Variants in RCAN1 observed in about 807,000 individuals in gnomAD.
RCAN1 encodes the protein regulator of calcineurin 1.
RCAN1 carries 11 observed loss-of-function variants against 22.9 expected under a neutral mutation model. The observed-to-expected ratio is 0.48, with a 90% CI of 0.30 to 0.79. The LOEUF (loss-of-function observed/expected upper bound fraction) is 0.79. Among genes scored for constraint, RCAN1 ranks in the 30% least tolerant of loss-of-function variants. RCAN1 has a pLI of 0.06. For synonymous variants in RCAN1, 136 were observed against 142.3 expected (o/e 0.96, Z 0.32); for missense variants, 291 against 337.8 (o/e 0.86, Z 1.09).
intron 1 of RCAN1, among the ~76,000 whole-genome samples, chr21:34,563,242 T>C (rs1353601614): frequency 6.6e-6 from 1 of 152,212 alleles, no homozygotes; most frequent in East Asian, 1.9e-4. Context: ...TCTGACAGAA[T>C]ATTTTTGAGT....
intron 1 of RCAN1, chr21:34,525,030 A>T (rs1984920597): frequency 1.3e-6 from 2 of 1,542,688 alleles, no homozygotes; most frequent in South Asian, 1.2e-5. Context: ...CTGGCCAGGA[A>T]GAAGGGGATG....
At chr21:34,601,232 A>T (rs892279486) in intron 1 of RCAN1, among the ~76,000 whole-genome samples, 7 of 152,212 alleles carry the variant, frequency 4.6e-5, no homozygotes, top group African/African-American at 1.7e-4. Context: ...ATTTTAATAA[A>T]ATTGCTAACT....
intron 1 of RCAN1, among the ~76,000 whole-genome samples, chr21:34,593,494 G>A (rs989529304): frequency 3.3e-5 from 5 of 152,180 alleles, no homozygotes; most frequent in East Asian, 1.9e-4. Flanking sequence ...ATTATGAAAC[G>A]ATGCCAAATA....
chr21:34,540,329 T>C (rs1204293043), intron 1 of RCAN1, among the ~76,000 whole-genome samples: 1 of 152,210 alleles, frequency 6.6e-6, no homozygotes, highest in Non-Finnish European at 1.5e-5. Context: ...AGGTGGGCTC[T>C]TCCGGGGCTG....
chr21:34,536,086 T>C (rs180772716), intron 1 of RCAN1, among the ~76,000 whole-genome samples: 1 of 152,288 alleles, frequency 6.6e-6, no homozygotes, highest in East Asian at 1.9e-4. Context: ...CCTCAATCTT[T>C]CCTTAATATG....
At chr21:34,527,816 G>A (rs1317872252) in intron 1 of RCAN1, among the ~76,000 whole-genome samples, 2 of 150,182 alleles carry the variant, frequency 1.3e-5, no homozygotes, top group Admixed American at 1.3e-4. Context: ...GGCATAAATG[G>A]GTTAAGAGGT....
chr21:34,567,890 G>T (rs1318511424), intron 1 of RCAN1, among the ~76,000 whole-genome samples: 1 of 152,230 alleles, frequency 6.6e-6, no homozygotes, highest in Non-Finnish European at 1.5e-5. Flanking sequence ...TACATGGACA[G>T]AAGATAACTG....
chr21:34,521,480 A>T lies in RCAN1; in HGVS notation c.586+19T>A. The T allele has an allele frequency of 6.2e-7, 1 of 1,613,938 alleles. No homozygotes were observed. The highest frequency in any genetic ancestry group is 1.3e-5 in the African/African-American group (1 of 75,024). ...CTGTGTCTCCCCCTGCCTCCCTCCCACCCGAGGGCCCTGCTCACCTGGCCC... is the reference window on the plus strand; with the variant it reads ...CTGTGTCTCCCCCTGCCTCCCTCCCTCCCGAGGGCCCTGCTCACCTGGCCC... On this transcript the variant is annotated intron_variant, in intron 3 of 3. Transcript: ENST00000313806.
At chr21:34,612,965 G>T (rs563923465) in intron 1 of RCAN1, among the ~76,000 whole-genome samples, 1 of 152,246 alleles carries the variant, frequency 6.6e-6, no homozygotes, top group South Asian at 2.1e-4. Flanking sequence ...ATCACTATCC[G>T]AAATGATCTT....
intron 1 of RCAN1, among the ~76,000 whole-genome samples, chr21:34,599,935 G>T (rs1257883360): frequency 6.6e-6 from 1 of 152,120 alleles, no homozygotes; most frequent in African/African-American, 2.4e-5. Flanking sequence ...GCAACTGGTG[G>T]GTAACTTTTT....
intron 1 of RCAN1, among the ~76,000 whole-genome samples, chr21:34,611,745 C>T (rs1988692705): frequency 6.6e-6 from 1 of 152,162 alleles, no homozygotes; most frequent in Admixed American, 6.5e-5. Flanking sequence ...AAAGGTGACA[C>T]CCCAGTCTTA....
intron 1 of RCAN1, among the ~76,000 whole-genome samples, chr21:34,553,063 G>T (rs1986426809): frequency 6.6e-6 from 1 of 152,172 alleles, no homozygotes; most frequent in Admixed American, 6.5e-5. Context: ...GACCATAAAT[G>T]GCAGAGATCT....
At chr21:34,541,344 T>C (rs1457127914) in intron 1 of RCAN1, among the ~76,000 whole-genome samples, 1 of 152,182 alleles carries the variant, frequency 6.6e-6, no homozygotes, top group African/African-American at 2.4e-5. Flanking sequence ...CCTCTGCATT[T>C]CCTCATTACT....
In RCAN1 at chr21:34,521,562, C is replaced by T; in HGVS notation, c.523G>A (p.Val175Met). ...TTTATGACTGGGGTCGCATCTTCCA[C>T]TTGTTTCCATCCCACTGGCGGAGAG... Reference protein sequence around the residue: ...PASPPVGWKQVEDATPVINYD... With the variant: ...PASPPVGWKQMEDATPVINYD... The change falls in exon 3 of 4, where the codon GTG becomes ATG. Residue 175 changes from valine to methionine, a missense_variant. By Grantham distance (21) the Val-to-Met change is conservative. Transcript: ENST00000313806. 1 of 1,614,232 alleles carries T rather than the reference C, an allele frequency of 6.2e-7. No individual in the cohort carries two copies. Among genetic ancestry groups the T allele is most frequent in the Non-Finnish European group, 8.5e-7 (1 of 1,180,034 alleles).
intron 1 of RCAN1, among the ~76,000 whole-genome samples, chr21:34,558,401 C>T (rs1462990737): frequency 6.6e-6 from 1 of 152,174 alleles, no homozygotes; most frequent in African/African-American, 2.4e-5. Context: ...AACTCCACCT[C>T]CACCGTGACT....
chr21:34,565,543 A>T (rs1454280894), intron 1 of RCAN1, among the ~76,000 whole-genome samples: 1 of 152,168 alleles, frequency 6.6e-6, no homozygotes, highest in Non-Finnish European at 1.5e-5. Flanking sequence ...GCTGTATTAC[A>T]CAGGAGTACA....
intron 1 of RCAN1, among the ~76,000 whole-genome samples, chr21:34,590,825 CTA>C (rs1294736766): frequency 1.3e-5 from 2 of 152,202 alleles, no homozygotes; most frequent in African/African-American, 2.4e-5. Flanking sequence ...ATACACACAG[CTA>C]TGTCATAGTT....
At chr21:34,533,164 G>A (rs1373888031) in intron 1 of RCAN1, among the ~76,000 whole-genome samples, 1 of 151,952 alleles carries the variant, frequency 6.6e-6, no homozygotes, top group East Asian at 1.9e-4. Context: ...GTTTCACCGT[G>A]TTAGCCAGGA....
rs1016350711 is a variant in RCAN1 at position 34,614,514 on chromosome 21, G to A, written c.252+246C>T. On this transcript the variant is annotated intron_variant, in intron 1 of 3. Transcript: ENST00000313806. The surrounding 1 kb of genome is among the most constrained non-coding windows in gnomAD (Gnocchi z 6.0). ...GTCGCACCAGCCTGGGCGCACACGG[G>A]GGCCGGGGCGAGCCTGTGGGACTCT... 1.5e-4 allele frequency: 157 copies of A among 1,045,736 alleles called. No individual in the cohort carries two copies. The highest frequency in any genetic ancestry group is 1.8e-4 in the Non-Finnish European group (153 of 868,444). 64.8% of individuals were successfully genotyped at this position (1,045,736 alleles called of 1,614,324 possible). A position where few individuals can be genotyped will look rare whatever the true frequency, so the allele number is the denominator to read the frequency against.
Sources: allele counts gnomAD v4.1 joint callset (sites outside exome capture counted in the v4.1 genomes callset), GRCh38; gene constraint gnomAD v4.1.1; non-coding constraint Gnocchi (gnomAD v3.1); transcripts MANE v1.5; gene names NCBI Gene and HGNC (gene_info 2026-07-23, HGNC 2026-07-21).